SNTG1: variants seen among roughly 807,000 people sequenced by gnomAD.
SNTG1 encodes syntrophin gamma 1.
In SNTG1, 39 loss-of-function variants were observed where a neutral mutation model predicts 74.7. That is an observed-to-expected ratio of 0.52 (90% CI 0.40 to 0.68). SNTG1 has a LOEUF of 0.68. Ranked by LOEUF, SNTG1 falls within the 30% of genes least tolerant of loss-of-function variation. The pLI is 0.00. For synonymous variants in SNTG1, 254 were observed against 217.1 expected, an observed-to-expected ratio of 1.17 and a Z score of -1.49; for missense variants, 685 against 609.5, an observed-to-expected ratio of 1.12 and a Z score of -1.30.
At chr8:50,234,193 T>C (rs910103425) in intron 2 of SNTG1, among the ~76,000 whole-genome samples, 1 of 151,966 alleles carries the variant, frequency 6.6e-6, no homozygotes, top group Non-Finnish European at 1.5e-5. Context: ...CTTTTGTACC[T>C]CCATATCATG....
At chr8:50,075,300 G>T (rs895875569) in intron 1 of SNTG1, among the ~76,000 whole-genome samples, 1 of 152,178 alleles carries the variant, frequency 6.6e-6, no homozygotes, top group African/African-American at 2.4e-5. Flanking sequence ...GATCCACTAG[G>T]CAAAGCCAGC....
chr8:50,568,928 C>A (rs557112158), intron 12 of SNTG1: 3 of 152,016 alleles, frequency 2.0e-5, no homozygotes, highest in African/African-American at 4.8e-5. Context: ...TCATGGAGGG[C>A]GACAACAGCT....
intron 1 of SNTG1, among the ~76,000 whole-genome samples, chr8:50,071,497 G>C (rs887518573): frequency 2.6e-5 from 4 of 151,802 alleles, no homozygotes; most frequent in Non-Finnish European, 5.9e-5. Flanking sequence ...ATTTATTTTT[G>C]AGTGGAATTT....
At chr8:50,507,750 A>G (rs960035206) in intron 9 of SNTG1, among the ~76,000 whole-genome samples, 1 of 149,896 alleles carries the variant, frequency 6.7e-6, no homozygotes, top group East Asian at 2.0e-4. Context: ...TAGCTACATA[A>G]GTATACATGT....
At chr8:50,423,524 T>C (rs1469111067) in intron 4 of SNTG1, among the ~76,000 whole-genome samples, 1 of 152,228 alleles carries the variant, frequency 6.6e-6, no homozygotes, top group South Asian at 2.1e-4. Flanking sequence ...TTAACTTCTT[T>C]ATCTTTTCTC....
chr8:50,156,192 T>C (rs1242196817), intron 1 of SNTG1, among the ~76,000 whole-genome samples: 1 of 152,068 alleles, frequency 6.6e-6, no homozygotes, highest in Non-Finnish European at 1.5e-5. Flanking sequence ...TCAACTCTAC[T>C]AAAACTCAGG....
At chr8:50,082,107 T>G (rs1190895710) in intron 1 of SNTG1, among the ~76,000 whole-genome samples, 1 of 152,210 alleles carries the variant, frequency 6.6e-6, no homozygotes, top group Admixed American at 6.5e-5. Context: ...TTTGATTTAT[T>G]TTTTCTTAAT....
intron 2 of SNTG1, among the ~76,000 whole-genome samples, chr8:50,381,558 A>ATGTATGTG (rs1554509364): frequency 9.2e-6 from 1 of 108,598 alleles, no homozygotes; most frequent in African/African-American, 3.3e-5. Flanking sequence ...CTAATAGGAT[A>ATGTATGTG]TGTGTGTGTG....
intron 13 of SNTG1, among the ~76,000 whole-genome samples, chr8:50,622,497 C>A (rs976382271): frequency 3.9e-5 from 6 of 152,120 alleles, no homozygotes; most frequent in African/African-American, 1.4e-4. Context: ...CCTTGGGAAG[C>A]TCACCATTAA....
chr8:50,119,801 A>G (rs2080937787), intron 1 of SNTG1, among the ~76,000 whole-genome samples: 1 of 141,998 alleles, frequency 7.0e-6, no homozygotes, highest in Non-Finnish European at 1.6e-5. Flanking sequence ...TCAAAAACTC[A>G]TATCTAGTAA....
chr8:50,708,530 G>A (rs1011026100), intron 16 of SNTG1: 1 of 191,232 alleles, frequency 5.2e-6, no homozygotes, highest in South Asian at 1.9e-4. Context: ...GTTGGCTACA[G>A]TAAATAACAA....
At chr8:50,279,664 T>A (rs1431041464) in intron 2 of SNTG1, among the ~76,000 whole-genome samples, 1 of 152,198 alleles carries the variant, frequency 6.6e-6, no homozygotes, top group Admixed American at 6.5e-5. Context: ...CAAACAAGTT[T>A]ATTAAAATGT....
In SNTG1 at chr8:50,582,681, T is replaced by C. The variant is rs535121393; in HGVS notation, c.811-8198T>C. Among the ~76,000 whole-genome samples the C allele has an allele frequency of 2.0e-5, 3 of 152,178 alleles. No individual in the cohort carries two copies. The East Asian group carries it at 5.8e-4, about 29-fold the overall frequency. The stretch of plus-strand genomic sequence containing the variant: ...AAACAGGAATTCAAGCATAACATAT[T>C]TTTTTTATTGAATAAGTCTGGAGGT... On this transcript the variant is annotated intron_variant, in intron 12 of 18. Transcript: ENST00000642720.
chr8:50,274,767 G>T (rs1302632548), intron 2 of SNTG1, among the ~76,000 whole-genome samples: 2 of 152,062 alleles, frequency 1.3e-5, no homozygotes, highest in African/African-American at 4.8e-5. Flanking sequence ...TCATTGATGG[G>T]TGTTATTTTC....
chr8:50,217,376 T>G (rs1239149643), intron 2 of SNTG1, among the ~76,000 whole-genome samples: 2 of 152,080 alleles, frequency 1.3e-5, no homozygotes, highest in East Asian at 3.9e-4. Context: ...AAGCACTATA[T>G]ATATATTATA....
At chr8:50,744,168 G>T (rs981081943) in intron 17 of SNTG1, among the ~76,000 whole-genome samples, 1 of 151,906 alleles carries the variant, frequency 6.6e-6, no homozygotes, top group Non-Finnish European at 1.5e-5. Flanking sequence ...AGATTTAAGC[G>T]GGGACAAATA....
chr8:50,548,560 A>G (rs1334260603), intron 11 of SNTG1, among the ~76,000 whole-genome samples: 2 of 152,286 alleles, frequency 1.3e-5, no homozygotes, highest in East Asian at 3.9e-4. Context: ...GATTCCGAGC[A>G]CTGTGCTAAT....
intron 17 of SNTG1, among the ~76,000 whole-genome samples, chr8:50,743,811 A>T (rs898775253): frequency 6.6e-6 from 1 of 152,100 alleles, no homozygotes; most frequent in Middle Eastern, 3.4e-3. Context: ...TGGGTAATTC[A>T]TAAAGGAAAG....
intron 1 of SNTG1, among the ~76,000 whole-genome samples, chr8:50,081,600 C>T (rs203926): frequency 0.91 from 138,253 of 152,206 alleles, 63,035 homozygotes; most frequent in East Asian, 1. Context: ...TGTCTGAAGG[C>T]CTGTTCACTT....
Sources: gnomAD v4.1 joint callset for allele counts (sites outside exome capture counted in the v4.1 genomes callset) on GRCh38, gnomAD v4.1.1 for gene constraint, MANE v1.5 for transcripts, NCBI Gene and HGNC (gene_info 2026-07-23, HGNC 2026-07-21) for gene names.